The following NEGR1 variants were observed in gnomAD, a reference collection of about 807,000 sequenced individuals.
The protein encoded by NEGR1 is neuronal growth regulator 1.
A neutral mutation model predicts 40.9 loss-of-function variants in NEGR1; 10 were observed. That is an observed-to-expected ratio of 0.24 (90% CI 0.15 to 0.42). The LOEUF is 0.42. Among genes scored for constraint, NEGR1 ranks in the 10% least tolerant of loss-of-function variants. The pLI, the probability that NEGR1 is intolerant of heterozygous loss-of-function variation, is 1.00. For missense variants in NEGR1, 352 were observed against 438.9 expected (o/e 0.80, Z 1.77); for synonymous variants, 185 against 166.8 (o/e 1.11, Z -0.84).
intron 4 of NEGR1, among the ~76,000 whole-genome samples, chr1:71,696,025 C>A (rs1344743594): frequency 2.0e-5 from 3 of 151,744 alleles, no homozygotes; most frequent in Non-Finnish European, 4.4e-5. Context: ...AAGAAAATGA[C>A]AACACTCTGA....
intron 1 of NEGR1, among the ~76,000 whole-genome samples, chr1:72,279,644 T>G (rs534801762): frequency 6.6e-6 from 1 of 152,092 alleles, no homozygotes; most frequent in Non-Finnish European, 1.5e-5. Flanking sequence ...TGGTTTTAAG[T>G]ATACAAAGAA....
chr1:72,055,407 G>C (rs1647101433), intron 1 of NEGR1, among the ~76,000 whole-genome samples: 2 of 151,082 alleles, frequency 1.3e-5, no homozygotes, highest in African/African-American at 4.8e-5. Flanking sequence ...TCTGCACTGT[G>C]ATTTACAATG....
At chr1:72,051,468 T>G (rs975510152) in intron 1 of NEGR1, among the ~76,000 whole-genome samples, 2 of 151,538 alleles carry the variant, frequency 1.3e-5, no homozygotes, top group African/African-American at 4.8e-5. Context: ...AATAAAATAT[T>G]GTCAGTGACT....
At chr1:71,455,347 A>G (rs1247035250) in intron 6 of NEGR1, among the ~76,000 whole-genome samples, 1 of 152,250 alleles carries the variant, frequency 6.6e-6, no homozygotes, top group Non-Finnish European at 1.5e-5. Flanking sequence ...GAATGAATGT[A>G]GGTGATCAGA....
intron 1 of NEGR1, among the ~76,000 whole-genome samples, chr1:72,008,690 C>T (rs754016308): frequency 1.3e-5 from 2 of 152,074 alleles, no homozygotes; most frequent in Non-Finnish European, 2.9e-5. Flanking sequence ...TACATTGGTA[C>T]AACACCTTGA....
At chr1:72,249,505 TG>T in intron 1 of NEGR1, among the ~76,000 whole-genome samples, 1 of 152,236 alleles carries the variant, frequency 6.6e-6, no homozygotes, top group Non-Finnish European at 1.5e-5. Context: ...ACTATATATA[TG>T]GGCTAGAGAG....
At chr1:72,212,244 T>G (rs531176499) in intron 1 of NEGR1, among the ~76,000 whole-genome samples, 3 of 152,110 alleles carry the variant, frequency 2.0e-5, no homozygotes, top group South Asian at 4.1e-4. Context: ...TACAATCAAT[T>G]AACTTTATTA....
At chr1:72,035,935 C>T (rs1646897979) in intron 1 of NEGR1, among the ~76,000 whole-genome samples, 1 of 152,108 alleles carries the variant, frequency 6.6e-6, no homozygotes, top group Non-Finnish European at 1.5e-5. Context: ...AGAGTTCTTC[C>T]CATATCTCAC....
chr1:72,124,424 A>T (rs551765772), intron 1 of NEGR1, among the ~76,000 whole-genome samples: 3 of 151,218 alleles, frequency 2.0e-5, no homozygotes, highest in African/African-American at 7.4e-5. Flanking sequence ...AGATATTAAG[A>T]CTAGGGCAGA....
At chr1:71,821,241 A>G (rs904285865) in intron 2 of NEGR1, among the ~76,000 whole-genome samples, 3 of 151,942 alleles carry the variant, frequency 2.0e-5, no homozygotes, top group African/African-American at 7.2e-5. Flanking sequence ...CATTACATCA[A>G]TGATATTATA....
At chr1:71,862,842 A>G (rs1659991544) in intron 2 of NEGR1, among the ~76,000 whole-genome samples, 1 of 152,158 alleles carries the variant, frequency 6.6e-6, no homozygotes, top group Non-Finnish European at 1.5e-5. Flanking sequence ...CACACATATG[A>G]AAAGAAGGTC....
chr1:71,651,747 TAAC>T (rs1651725102), intron 4 of NEGR1, among the ~76,000 whole-genome samples: 3 of 152,086 alleles, frequency 2.0e-5, no homozygotes, highest in African/African-American at 7.2e-5. Flanking sequence ...ATATTAATAA[TAAC>T]AACAACAGCA....
At chr1:72,257,796 C>T (rs9988578) in intron 1 of NEGR1, among the ~76,000 whole-genome samples, 6,527 of 152,226 alleles carry the variant, frequency 0.043, 481 homozygotes, top group African/African-American at 0.15. Flanking sequence ...CCCTTGGAAT[C>T]AAACCCTGTG....
chr1:72,033,460 T>C (rs1287756336), intron 1 of NEGR1, among the ~76,000 whole-genome samples: 1 of 152,190 alleles, frequency 6.6e-6, no homozygotes. Flanking sequence ...CAGGTTAGAA[T>C]TTTATTCCAA....
chr1:72,242,929 T>G (rs1654793554), intron 1 of NEGR1, among the ~76,000 whole-genome samples: 1 of 151,612 alleles, frequency 6.6e-6, no homozygotes. Context: ...AATTTCATAT[T>G]TGGAAATCAT....
At chr1:71,906,564 T>C (rs1661282633) in intron 2 of NEGR1, among the ~76,000 whole-genome samples, 1 of 152,032 alleles carries the variant, frequency 6.6e-6, no homozygotes, top group Non-Finnish European at 1.5e-5. Flanking sequence ...TTAAGTTGAT[T>C]GCTTTGTTCT....
chr1:72,016,170 C>T (rs766943508), intron 1 of NEGR1, among the ~76,000 whole-genome samples: 1 of 151,584 alleles, frequency 6.6e-6, no homozygotes, highest in African/African-American at 2.4e-5. Flanking sequence ...CTAAACTGAC[C>T]AAAGGAGAAC....
intron 2 of NEGR1, among the ~76,000 whole-genome samples, chr1:71,857,323 A>G (rs1318715055): frequency 6.6e-6 from 1 of 151,644 alleles, no homozygotes; most frequent in Non-Finnish European, 1.5e-5. Flanking sequence ...AAATCTGACC[A>G]CAAACAGGCC....
chr1:71,568,829 CGTGTGTGTGTGTGTGT>C (rs35692576), intron 6 of NEGR1, among the ~76,000 whole-genome samples: 18 of 147,584 alleles, frequency 1.2e-4, no homozygotes, highest in Admixed American at 1.0e-3. Context: ...TATATGTATA[CGTGTGTGTGTGTGTGT>C]GTGTGTGTGT....
Sources: allele counts gnomAD v4.1 joint callset (sites outside exome capture counted in the v4.1 genomes callset), GRCh38; gene constraint gnomAD v4.1.1; transcripts MANE v1.5; gene names NCBI Gene and HGNC (gene_info 2026-07-23, HGNC 2026-07-21).